UBE2U: variants seen among roughly 807,000 people sequenced by gnomAD.
The protein encoded by UBE2U is ubiquitin-conjugating enzyme E2 U.
A neutral mutation model predicts 41.2 loss-of-function variants in UBE2U; 39 were observed. The observed-to-expected ratio is 0.95, with a 90% CI of 0.73 to 1.24. The LOEUF (loss-of-function observed/expected upper bound fraction) is 1.24. Among genes scored for constraint, UBE2U ranks in the 50% most tolerant of loss-of-function variants. The pLI is 0.00. For synonymous variants in UBE2U, 107 were observed against 117.8 expected, an observed-to-expected ratio of 0.91 and a Z score of 0.60; for missense variants, 336 against 363.1, an observed-to-expected ratio of 0.93 and a Z score of 0.61.
intron 4 of UBE2U, 41 bp downstream of exon 4, chr1:64,210,880 A>T (rs769812253): frequency 7.4e-7 from 1 of 1,354,970 alleles, no homozygotes; most frequent in Non-Finnish European, 1.0e-6. Context: ...TAATACTTTT[A>T]ATTACCCTAA....
chr1:64,239,207 ACAAGACTGGTGGAGAG>A (rs1644788383), intron 7 of UBE2U, among the ~76,000 whole-genome samples: 2 of 151,142 alleles, frequency 1.3e-5, no homozygotes, highest in East Asian at 3.9e-4. Context: ...CCAGACAAGG[ACAAGACTGGTGGAGAG>A]CATCTAGCTG....
At chr1:64,221,527 A>G (rs1443332626) in intron 6 of UBE2U, among the ~76,000 whole-genome samples, 1 of 152,122 alleles carries the variant, frequency 6.6e-6, no homozygotes, top group African/African-American at 2.4e-5. Context: ...AGGTCTAGAT[A>G]AAAATGGTAA....
At chr1:64,222,925 G>A (rs780962256) in intron 6 of UBE2U, among the ~76,000 whole-genome samples, 1 of 152,150 alleles carries the variant, frequency 6.6e-6, no homozygotes, top group Non-Finnish European at 1.5e-5. Flanking sequence ...CTATTCAACT[G>A]GGTACAGTAT....
rs1340020272 is a variant in UBE2U at position 64,204,525 on chromosome 1, T to C, written c.66+409T>C. Among the ~76,000 whole-genome samples the C allele has an allele frequency of 3.3e-5, 5 of 152,182 alleles. No homozygotes were observed. In the East Asian group the frequency reaches 9.6e-4, roughly 29 times the overall value. On this transcript the variant is annotated intron_variant, in intron 1 of 9. Coordinates refer to ENST00000371077, the MANE Select transcript of UBE2U (RefSeq NM_001366232.2). ...TGCCCCATGATTCCATTACAGGGTT[T>C]TTGGACTTCAAAGCCCTAGTTCTTA... is the stretch of plus-strand genomic sequence containing the variant.
chr1:64,264,840 C>T (rs1228167886), intron 9 of UBE2U, among the ~76,000 whole-genome samples: 1 of 152,066 alleles, frequency 6.6e-6, no homozygotes, highest in African/African-American at 2.4e-5. Flanking sequence ...GTCCCAGTTA[C>T]TTGGGAGGCT....
intron 7 of UBE2U, among the ~76,000 whole-genome samples, chr1:64,241,375 A>G (rs553976298): frequency 2.0e-5 from 3 of 152,186 alleles, no homozygotes; most frequent in Non-Finnish European, 2.9e-5. Context: ...TCTCCTATAA[A>G]TTTTATTTAA....
At chr1:64,245,654 C>G (rs757878027) in intron 8 of UBE2U, among the ~76,000 whole-genome samples, 6 of 152,158 alleles carry the variant, frequency 3.9e-5, no homozygotes, top group Non-Finnish European at 5.9e-5. Context: ...GTGGAGTTGA[C>G]AGTCACACGT....
chr1:64,221,381 G>A (rs936910798), intron 6 of UBE2U, among the ~76,000 whole-genome samples: 3 of 152,136 alleles, frequency 2.0e-5, no homozygotes, highest in African/African-American at 7.2e-5. Context: ...CCAAAGTGCT[G>A]GGATTACAGA....
At chr1:64,250,218 A>G (rs1190124736) in intron 8 of UBE2U, among the ~76,000 whole-genome samples, 1 of 152,174 alleles carries the variant, frequency 6.6e-6, no homozygotes, top group African/African-American at 2.4e-5. Context: ...TTTTTGACCA[A>G]TAAATCCAAC....
chr1:64,205,887 CA>C (rs111461872), intron 2 of UBE2U, among the ~76,000 whole-genome samples, 167 bp downstream of exon 2: 9,442 of 152,128 alleles, frequency 0.062, 978 homozygotes, highest in African/African-American at 0.21. Context: ...AAAATATTCC[CA>C]TTTTTTTTAT....
chr1:64,206,366 G>T (rs973964322), intron 2 of UBE2U, among the ~76,000 whole-genome samples: 1 of 152,066 alleles, frequency 6.6e-6, no homozygotes, highest in East Asian at 1.9e-4. Context: ...GATCACATTT[G>T]AGTTGAGTCC....
At chr1:64,218,009 A>G (rs1005430842) in intron 5 of UBE2U, among the ~76,000 whole-genome samples, 2 of 152,192 alleles carry the variant, frequency 1.3e-5, no homozygotes, top group African/African-American at 4.8e-5. Flanking sequence ...CTACAATTGA[A>G]GCAGGTGGTG....
At chr1:64,258,835 C>A (rs1299335217) in intron 8 of UBE2U, among the ~76,000 whole-genome samples, 1 of 152,098 alleles carries the variant, frequency 6.6e-6, no homozygotes, top group Non-Finnish European at 1.5e-5. Context: ...GGGTATATAC[C>A]CAGTAATGGG....
rs1569927553 is a variant in UBE2U, at chr1:64,203,928, C to A, written c.-123C>A. ...CTTATCTTGGTACCGTTCTGAGGTT[C>A]TAGAAAGCAAGTAACTTATATCAGT... On this transcript the variant is annotated 5_prime_UTR_variant, in exon 1 of 10. Transcript: ENST00000371077. The A allele has an allele frequency of 2.6e-6, 2 of 754,720 alleles. No individual in the cohort carries two copies. The highest frequency in any genetic ancestry group is 4.2e-6 in the Non-Finnish European group (2 of 480,450). 46.8% of individuals were successfully genotyped at this position (754,720 alleles called of 1,614,324 possible).
At chr1:64,224,906 T>C (rs1652757124) in intron 6 of UBE2U, among the ~76,000 whole-genome samples, 1 of 148,496 alleles carries the variant, frequency 6.7e-6, no homozygotes, top group Non-Finnish European at 1.5e-5. Flanking sequence ...ATGAAAAGAG[T>C]GCCTTATAAA....
chr1:64,241,259 C>T (rs1288962435), intron 7 of UBE2U, among the ~76,000 whole-genome samples: 1 of 152,108 alleles, frequency 6.6e-6, no homozygotes, highest in East Asian at 1.9e-4. Context: ...TTAAGATTGT[C>T]CTGCTTCCTT....
chr1:64,243,087 T>C (rs1352789902), intron 8 of UBE2U, among the ~76,000 whole-genome samples: 1 of 152,170 alleles, frequency 6.6e-6, no homozygotes, highest in Admixed American at 6.6e-5. Flanking sequence ...TGCTGGAACA[T>C]TTTTCCAAAT....
Position 64,256,919 on chromosome 1 carries a change from A to AT in UBE2U, c.678-3684_678-3683insT, listed in dbSNP as rs1356015475. Among the ~76,000 whole-genome samples the AT allele has an allele frequency of 2.6e-5, 4 of 151,916 alleles. 1 individual carries two copies. The highest frequency in any genetic ancestry group is 2.6e-4 in the Admixed American group (4 of 15,236). On this transcript the variant is annotated intron_variant, in intron 8 of 9. Transcript: ENST00000371077. ...CTTAAACAAATTTACAGGAAAAAAA[A>AT]AACCATTAAAAAATGGGCAAAGGAC... is the stretch of plus-strand genomic sequence containing the variant.
chr1:64,255,265 G>T (rs889586722), intron 8 of UBE2U, among the ~76,000 whole-genome samples: 6 of 151,930 alleles, frequency 3.9e-5, no homozygotes, highest in African/African-American at 1.4e-4. Context: ...TTCTGAAATT[G>T]AGGCAATAAT....
Sources: allele counts gnomAD v4.1 joint callset (sites outside exome capture counted in the v4.1 genomes callset), GRCh38; gene constraint gnomAD v4.1.1; transcripts MANE v1.5; gene names NCBI Gene and HGNC (gene_info 2026-07-23, HGNC 2026-07-21).